Variants in GAPVD1 observed in about 807,000 individuals in gnomAD.
GAPVD1 encodes the protein GTPase-activating protein and VPS9 domain-containing protein 1.
A neutral mutation model predicts 155.5 loss-of-function variants in GAPVD1; 35 were observed. The ratio of observed to expected loss-of-function variants is 0.23; its 90% CI spans 0.17 to 0.30. The LOEUF (loss-of-function observed/expected upper bound fraction) is 0.30, where lower values mean the gene tolerates loss of function less well. GAPVD1 is among the 10% of genes least tolerant of loss of function. The pLI is 1.00. For synonymous variants in GAPVD1, 636 were observed against 619.7 expected, an observed-to-expected ratio of 1.03 and a Z score of -0.39; for missense variants, 1,429 against 1,775.7, an observed-to-expected ratio of 0.80 and a Z score of 3.51.
intron 12 of GAPVD1, among the ~76,000 whole-genome samples, 165 bp from the exon 13 acceptor site, chr9:125,329,913 C>T (rs193169935): frequency 3.3e-4 from 50 of 152,266 alleles, no homozygotes; most frequent in Middle Eastern, 6.8e-3. Context: ...AACTCCTGGC[C>T]TCAAGTGATC....
At chr9:125,353,972 AG>A (rs1448451562) in intron 23 of GAPVD1, among the ~76,000 whole-genome samples, 2 of 152,244 alleles carry the variant, frequency 1.3e-5, no homozygotes, top group Non-Finnish European at 2.9e-5. Context: ...AAGCAGGTAA[AG>A]AGGTATGCCT....
At chr9:125,362,412 G>A (rs949507914) in intron 27 of GAPVD1, among the ~76,000 whole-genome samples, 194 bp from the exon 28 acceptor site, 3 of 152,108 alleles carry the variant, frequency 2.0e-5, no homozygotes, top group African/African-American at 7.2e-5. Flanking sequence ...TTAGAACCTG[G>A]GTTGCCTTTC....
intron 23 of GAPVD1, among the ~76,000 whole-genome samples, chr9:125,353,662 A>G (rs57478089): frequency 0.22 from 33,324 of 152,134 alleles, 4,764 homozygotes; most frequent in African/African-American, 0.39. Context: ...TATGGCGGAA[A>G]GTGAAAGGCA....
chr9:125,263,288 A>G (rs1448777083), intron 1 of GAPVD1, among the ~76,000 whole-genome samples: 4 of 152,196 alleles, frequency 2.6e-5, no homozygotes, highest in Non-Finnish European at 4.4e-5. Flanking sequence ...ATCTCTACTA[A>G]AAATACAAAA....
chr9:125,321,905 T>C (rs1409002794), intron 10 of GAPVD1, among the ~76,000 whole-genome samples: 1 of 152,180 alleles, frequency 6.6e-6, no homozygotes, highest in African/African-American at 2.4e-5. Context: ...AAAAATGGAC[T>C]TACTAGTATT....
Position 125,323,066 on chromosome 9 carries a change from A to AT in GAPVD1, c.1733-732_1733-731insT, listed in dbSNP as rs1225871450. On this transcript the variant is annotated intron_variant, in intron 10 of 27. Transcript: ENST00000297933. ...AGACTCTCTCTAAAAAAAAAAAAAA[A>AT]AAAGAAGAAAAAGCTCTATAACAAG... Among the ~76,000 whole-genome samples the AT allele has an allele frequency of 2.0e-5, 3 of 151,578 alleles. No individual in the cohort carries two copies. The East Asian group carries it at 5.8e-4, about 29-fold the overall frequency.
chr9:125,264,367 A>G (rs891278427), intron 1 of GAPVD1, among the ~76,000 whole-genome samples: 2 of 152,036 alleles, frequency 1.3e-5, no homozygotes, highest in South Asian at 4.1e-4. Flanking sequence ...GATAATTTTT[A>G]TATTTTTAGT....
At chr9:125,327,452 A>G (rs768646369) in intron 12 of GAPVD1, among the ~76,000 whole-genome samples, 16 of 152,056 alleles carry the variant, frequency 1.1e-4, no homozygotes, top group Admixed American at 1.0e-3. Context: ...TGGTGTACAG[A>G]TGATTTTGCC....
chr9:125,330,046 T>A, intron 12 of GAPVD1, 32 bp from the exon 13 acceptor site: 2 of 1,558,364 alleles, frequency 1.3e-6, no homozygotes, highest in Non-Finnish European at 1.7e-6. Context: ...CCAGGATCTT[T>A]GTTAACCCTT....
At chr9:125,343,020 G>C (rs1452526100) in intron 19 of GAPVD1, among the ~76,000 whole-genome samples, 2 of 152,084 alleles carry the variant, frequency 1.3e-5, no homozygotes, top group East Asian at 1.9e-4. Context: ...TAATGACCCA[G>C]TCTTGGGTTT....
At chr9:125,358,539 G>C (rs933709971) in intron 25 of GAPVD1, among the ~76,000 whole-genome samples, 10 of 152,164 alleles carry the variant, frequency 6.6e-5, no homozygotes, top group African/African-American at 2.4e-4. Context: ...TAGGATCCTC[G>C]GGGTGTGGGT....
At chr9:125,339,112 G>A (rs144903108) in intron 17 of GAPVD1, among the ~76,000 whole-genome samples, 61 of 152,228 alleles carry the variant, frequency 4.0e-4, no homozygotes, top group Middle Eastern at 3.4e-3. Flanking sequence ...CTCCCAAGTA[G>A]TTGGGAGTAT....
At chr9:125,262,660 A>G (rs1458737314) in intron 1 of GAPVD1, among the ~76,000 whole-genome samples, 1 of 152,168 alleles carries the variant, frequency 6.6e-6, no homozygotes, top group Non-Finnish European at 1.5e-5. Flanking sequence ...CAGTGTTTTT[A>G]TTTTTAAATT....
chr9:125,278,835 GAA>G (rs5900648), intron 2 of GAPVD1, among the ~76,000 whole-genome samples: 1,949 of 143,264 alleles, frequency 0.014, 102 homozygotes, highest in East Asian at 0.091. Context: ...ATGCTGTCTG[GAA>G]AAAAAAAAAC....
chr9:125,300,810 A>T lies in GAPVD1; in HGVS notation c.186-1173A>T, dbSNP rs1019389289. The stretch of plus-strand genomic sequence containing the variant: ...ATTTTACCTCAATAAAAATGAGTTT[A>T]AAAAAAAAAAAGAACAGTGCTGTTG... On this transcript the variant is annotated intron_variant, in intron 4 of 27. Transcript: ENST00000297933. Among the ~76,000 whole-genome samples, 9 of 143,862 alleles carry T rather than the reference A, an allele frequency of 6.3e-5. No individual in the cohort carries two copies. In the South Asian group the frequency reaches 6.6e-4, roughly 11 times the overall value. 94.4% of individuals were successfully genotyped at this position (143,862 alleles called of 152,430 possible).
At position 125,262,272 on chromosome 9, in the gene GAPVD1, AC is replaced by A. The variant is rs1833048483; in HGVS notation, c.-199+314del. 3.3e-5 allele frequency among the ~76,000 whole-genome samples: 5 copies of A among 152,276 alleles called. No individual in the cohort carries two copies. The Middle Eastern group carries it at 0.014, about 414-fold the overall frequency. On this transcript the variant is annotated intron_variant, in intron 1 of 27. Transcript: ENST00000297933. ...GGGCGGCCTCGGGTGGGGGCCAGAG[AC>A]GAGAGGCCCGGCAGGTAGGGAACTG...
intron 19 of GAPVD1, 101 bp from the exon 20 acceptor site, chr9:125,346,718 C>G (rs764112996): frequency 1.1e-6 from 1 of 919,380 alleles, no homozygotes; most frequent in Admixed American, 1.7e-5. Context: ...TTAAGTCTTA[C>G]CTCCTAATCT....
intron 17 of GAPVD1, 148 bp downstream of exon 17, chr9:125,337,739 C>T: frequency 1.2e-6 from 1 of 835,908 alleles, no homozygotes; most frequent in Non-Finnish European, 1.8e-6. Context: ...GGCCCACAAC[C>T]ATAACCGCAG....
intron 6 of GAPVD1, among the ~76,000 whole-genome samples, chr9:125,306,535 C>T (rs979383614): frequency 6.6e-6 from 1 of 151,922 alleles, no homozygotes; most frequent in African/African-American, 2.4e-5. Context: ...GACAGGGTCT[C>T]ACTTTGTCAC....
Sources: allele counts gnomAD v4.1 joint callset (sites outside exome capture counted in the v4.1 genomes callset), GRCh38; gene constraint gnomAD v4.1.1; transcripts MANE v1.5; gene names NCBI Gene and HGNC (gene_info 2026-07-23, HGNC 2026-07-21).